MUC4: variants seen among roughly 807,000 people sequenced by gnomAD.
MUC4 encodes mucin-4.
A neutral mutation model predicts 257.9 loss-of-function variants in MUC4; 202 were observed. That is an observed-to-expected ratio of 0.78 (90% CI 0.70 to 0.88). The LOEUF (loss-of-function observed/expected upper bound fraction) is 0.88, where lower values mean the gene tolerates loss of function less well. MUC4 is among the 40% of genes least tolerant of loss of function. The pLI is 0.00. For missense variants in MUC4, 5,976 were observed against 6,513.7 expected (o/e 0.92, Z 2.84); for synonymous variants, 2,351 against 2,757.1 (o/e 0.85, Z 4.62).
chr3:195,749,027 A>G lies in MUC4; in HGVS notation c.15909T>C (p.Asp5303=). ...AGACCAGGTCGTAGCCCTTGTAGCCATCGCATCTGAAGTAAGCCTTCAGCG... is the reference window on the plus strand; with the variant it reads ...AGACCAGGTCGTAGCCCTTGTAGCCGTCGCATCTGAAGTAAGCCTTCAGCG... ...VSTLKAYFRC[D]GYKGYDLVYS... is the part of the protein sequence containing the mutation. The change falls in exon 24 of 25, where the codon GAT becomes GAC. Residue 5303 remains aspartate, a synonymous_variant. Transcript: ENST00000463781. 1 of 1,609,074 alleles carries G rather than the reference A, an allele frequency of 6.2e-7. No individual in the cohort carries two copies. The highest frequency in any genetic ancestry group is 8.5e-7 in the Non-Finnish European group (1 of 1,177,650).
At chr3:195,799,260 T>TGTGTGTGTGTGAGA (rs1553889795) in intron 1 of MUC4, among the ~76,000 whole-genome samples, 15,633 of 149,072 alleles carry the variant, frequency 0.1, 909 homozygotes, top group South Asian at 0.17. Flanking sequence ...TGTGTGTGTG[T>TGTGTGTGTGTGAGA]GACACTGTGT....
At chr3:195,750,735 G>C in intron 23 of MUC4, 154 bp downstream of exon 23, 2 of 734,740 alleles carry the variant, frequency 2.7e-6, no homozygotes, top group Non-Finnish European at 2.2e-6. Flanking sequence ...TCCTGCTCTC[G>C]AATCTAAAAA....
In MUC4 at chr3:195,789,438, C is replaced by T. The variant is rs779516240; in HGVS notation, c.2142G>A (p.Gln714=). The part of the protein sequence containing the change: ...HTTQAPTTAL[Q]AAPSSHDATL... Reference sequence around the variant, plus strand: ...TGGCATCATGGCTGCTGGGTGCTGCCTGCAGTGCTGTGGTCGGGGCCTGGG... The same window carrying T: ...TGGCATCATGGCTGCTGGGTGCTGCTTGCAGTGCTGTGGTCGGGGCCTGGG... Residue 714 remains glutamine, a synonymous_variant, in exon 2 of 25, where the codon CAG becomes CAA. Coordinates refer to ENST00000463781, the MANE Select transcript of MUC4 (RefSeq NM_018406.7). 3.1e-6 allele frequency: 5 copies of T among 1,613,928 alleles called. No individual in the cohort carries two copies. In the African/African-American group the frequency reaches 6.7e-5, roughly 22 times the overall value.
Position 195,746,909 on chromosome 3 carries a change from C to A in MUC4, c.*267G>T, listed in dbSNP as rs570673823. ...TCGTGTGTGTGTGTGTGTGTGTGCA[C>A]GCGCGCGTGCACAGGCTAGTGTCCT... On this transcript the variant is annotated 3_prime_UTR_variant, in exon 25 of 25. Transcript: ENST00000463781. 4 of 568,722 alleles carry A rather than the reference C, an allele frequency of 7.0e-6. No individual in the cohort carries two copies. The highest frequency in any genetic ancestry group is 1.2e-5 in the Non-Finnish European group (4 of 320,884). The allele number at this position is 568,722 out of a possible 1,614,324, so 35.2% of individuals were successfully genotyped here.
chr3:195,809,014 A>G (rs979230893), intron 1 of MUC4, among the ~76,000 whole-genome samples: 1 of 152,046 alleles, frequency 6.6e-6, no homozygotes, highest in Non-Finnish European at 1.5e-5. Flanking sequence ...GGTCACTGAT[A>G]GTGCTGGAGA....
rs868092839 is a variant in MUC4 at position 195,754,304 on chromosome 3, C to T, written c.15237G>A (p.Glu5079=). 7 of 1,613,726 alleles carry T rather than the reference C, an allele frequency of 4.3e-6. No individual in the cohort carries two copies. The highest frequency in any genetic ancestry group is 4.2e-6 in the Non-Finnish European group (5 of 1,179,972). The change falls in exon 19 of 25, where the codon GAG becomes GAA. Residue 5079 remains glutamate (E), a synonymous_variant. Coordinates refer to ENST00000463781, the MANE Select transcript of MUC4 (RefSeq NM_018406.7). ...RYCEGSEDAC[E]EPCFPSVHCV... is the part of the protein sequence containing the mutation. Reference sequence around the variant, plus strand: ...AGTGGACACTCGGGAAGCACGGCTCCTCACAGGCATCCTCGGAGCCCTCGC... The same window carrying T: ...AGTGGACACTCGGGAAGCACGGCTCTTCACAGGCATCCTCGGAGCCCTCGC...
At position 195,759,123 on chromosome 3, in the gene MUC4, C is replaced by G. The variant is rs772813110; in HGVS notation, c.14986+1G>C. On this transcript the variant is annotated splice_donor_variant, in intron 17 of 24. Coordinates refer to ENST00000463781, the MANE Select transcript of MUC4 (RefSeq NM_018406.7). LOFTEE classifies it high-confidence loss of function. ...CTCCCCAGCCAGCCAAATAGTCCTA[C>G]CAAAGAGCTCCAAGTCGGTGCAGCT... is the stretch of plus-strand genomic sequence containing the variant. 37 of 1,613,110 alleles carry G rather than the reference C, an allele frequency of 2.3e-5. No homozygotes were observed. Among genetic ancestry groups the G allele is most frequent in the Non-Finnish European group, 3.1e-5 (37 of 1,179,434 alleles).
chr3:195,784,031 C>A lies in MUC4; in HGVS notation c.7549G>T (p.Asp2517Tyr). 1 of 1,517,118 alleles carries A rather than the reference C, an allele frequency of 6.6e-7. No individual in the cohort carries two copies. Among genetic ancestry groups the A allele is most frequent in the Non-Finnish European group, 8.8e-7 (1 of 1,130,820 alleles). The allele number at this position is 1,517,118 out of a possible 1,614,324, so 94.0% of individuals were successfully genotyped here. A position where few individuals can be genotyped will look rare whatever the true frequency, so the allele number is the denominator to read the frequency against. The change falls in exon 2 of 25, where the codon GAC (aspartate) becomes TAC (tyrosine). Residue 2517 changes from aspartate to tyrosine, a missense_variant. Asp to Tyr is a radical substitution (Grantham distance 160). Coordinates refer to ENST00000463781, the MANE Select transcript of MUC4 (RefSeq NM_018406.7). ...TGHTTPLPVT[D>Y]TPSASTGDTT... is the part of the protein sequence containing the mutation. ...TCACCTGTGGATGCTGAGGGAGTGTCGGTGACAGGTAGAGGGGTGGTGTGA... is the reference window on the plus strand; with the variant it reads ...TCACCTGTGGATGCTGAGGGAGTGTAGGTGACAGGTAGAGGGGTGGTGTGA...
chr3:195,754,614 G>A (rs1229923626), intron 18 of MUC4, among the ~76,000 whole-genome samples: 1 of 152,226 alleles, frequency 6.6e-6, no homozygotes, highest in Non-Finnish European at 1.5e-5. Context: ...CCCCTGCCTG[G>A]CCCTGCACCA....
At chr3:195,764,972 G>A in intron 10 of MUC4, 25 bp downstream of exon 10, 2 of 1,610,676 alleles carry the variant, frequency 1.2e-6, no homozygotes, top group Non-Finnish European at 1.7e-6. Context: ...CGGGAAGGTG[G>A]GGTTGAGATC....
intron 7 of MUC4, among the ~76,000 whole-genome samples, chr3:195,767,773 C>T (rs1721561312): frequency 7.6e-6 from 1 of 132,252 alleles, no homozygotes; most frequent in African/African-American, 3.1e-5. Flanking sequence ...CCACCACCAC[C>T]ACCATCACCA....
At chr3:195,791,774 G>A (rs1415643888) in intron 1 of MUC4, among the ~76,000 whole-genome samples, 1 of 152,132 alleles carries the variant, frequency 6.6e-6, no homozygotes, top group Admixed American at 6.6e-5. Context: ...GCATGGTACT[G>A]GTACCAAAAC....
intron 11 of MUC4, 122 bp downstream of exon 11, chr3:195,763,923 C>G (rs1025677350): frequency 4.3e-6 from 6 of 1,395,556 alleles, no homozygotes; most frequent in Non-Finnish European, 5.7e-6. Context: ...TCACTGGCGT[C>G]ATCTCCATCT....
In MUC4 at chr3:195,778,914, G is replaced by A. The variant is rs1449113826; in HGVS notation, c.12666C>T (p.Ala4222=). 6.4e-7 allele frequency: 1 copy of A among 1,560,590 alleles called. No homozygotes were observed. Among genetic ancestry groups the A allele is most frequent in the African/African-American group, 1.4e-5 (1 of 71,866 alleles). Reference sequence around the variant, plus strand: ...AAAGGCTGGTGACAGGAAGAGGGGTGGCGTGACCTGTGGATGCTGAGGAAG... The same window carrying A: ...AAAGGCTGGTGACAGGAAGAGGGGTAGCGTGACCTGTGGATGCTGAGGAAG... ...TDTSSASTGH[A]TPLPVTSLSS... is the part of the protein sequence containing the mutation. Residue 4222 remains alanine, a synonymous_variant, in exon 2 of 25, where the codon GCC becomes GCT. Transcript: ENST00000463781.
intron 7 of MUC4, among the ~76,000 whole-genome samples, chr3:195,767,495 C>CCACCAT (rs1720901358): frequency 6.9e-6 from 1 of 145,140 alleles, no homozygotes; most frequent in Non-Finnish European, 1.5e-5. Context: ...ACCACCATCA[C>CCACCAT]CATCACCACC....
Position 195,789,285 on chromosome 3 carries a change from G to A in MUC4, c.2295C>T (p.Asp765=), listed in dbSNP as rs1321870607. 7 of 1,613,928 alleles carry A rather than the reference G, an allele frequency of 4.3e-6. No individual in the cohort carries two copies. The South Asian group carries it at 6.6e-5, about 15-fold the overall frequency. The change falls in exon 2 of 25, where the codon GAC becomes GAT. Residue 765 remains aspartate, a synonymous_variant. Transcript: ENST00000463781. The part of the protein sequence containing the change: ...WTSASASTSP[D]TAAAMTHTHQ... Reference sequence around the variant, plus strand: ...GGGTATGGGTCATGGCTGCTGCTGTGTCAGGTGAGGTGCTGGCAGAGGCTG... The same window carrying A: ...GGGTATGGGTCATGGCTGCTGCTGTATCAGGTGAGGTGCTGGCAGAGGCTG...
intron 7 of MUC4, 51 bp downstream of exon 7, chr3:195,768,971 C>T (rs1317161114): frequency 6.3e-7 from 1 of 1,585,902 alleles, no homozygotes; most frequent in East Asian, 2.3e-5. Flanking sequence ...AAAGCCGACT[C>T]TACACCCCTC....
Position 195,784,286 on chromosome 3 carries a change from G to C in MUC4, c.7294C>G (p.Arg2432Gly). 7.1e-7 allele frequency: 1 copy of C among 1,413,162 alleles called. No homozygotes were observed. Among genetic ancestry groups the C allele is most frequent in the African/African-American group, 1.6e-5 (1 of 62,854 alleles). 87.5% of individuals were successfully genotyped at this position (1,413,162 alleles called of 1,614,324 possible). A position where few individuals can be genotyped will look rare whatever the true frequency, so the allele number is the denominator to read the frequency against. Reference protein sequence around the residue: ...LSSASTGDTTRLPVTNVSSAS... With the variant: ...LSSASTGDTTGLPVTNVSSAS... ...GAGGAAACGTTGGTGACAGGAAGAC[G>C]GGTGGTGTCACCTGTGGAAGCTGAG... Residue 2432 changes from arginine (R) to glycine (G), a missense_variant, in exon 2 of 25, where the codon CGT becomes GGT. Around this residue, in one of 44 missense-constraint regions of MUC4, gnomAD observed 57 missense variants for 116.5 expected, o/e 0.49. Coordinates refer to ENST00000463781, the MANE Select transcript of MUC4 (RefSeq NM_018406.7).
At position 195,783,055 on chromosome 3, in the gene MUC4, G is replaced by C; in HGVS notation, c.8525C>G (p.Ser2842Cys). 1.2e-6 allele frequency: 1 copy of C among 815,608 alleles called. No individual in the cohort carries two copies. The highest frequency in any genetic ancestry group is 1.9e-5 in the South Asian group (1 of 53,126). The allele number at this position is 815,608 out of a possible 1,614,324, so 50.5% of individuals were successfully genotyped here. ...AGGAAGAGGGGTGGTGTGACCTGAG[G>C]ATGCTGAGGAAGGGATGGTGACAGG... ...SLPVTIPSSASSGHTTPLPVT... is the reference protein window; with the variant it reads ...SLPVTIPSSACSGHTTPLPVT... The change falls in exon 2 of 25, where the codon TCC (serine) becomes TGC (cysteine). Residue 2842 changes from serine to cysteine, a missense_variant. Coordinates refer to ENST00000463781, the MANE Select transcript of MUC4 (RefSeq NM_018406.7).
Sources: gnomAD v4.1 joint callset for allele counts (sites outside exome capture counted in the v4.1 genomes callset) on GRCh38, gnomAD v4.1.1 for gene constraint, gnomAD v4.1.1 regional missense constraint, MANE v1.5 for transcripts, NCBI Gene and HGNC (gene_info 2026-07-23, HGNC 2026-07-21) for gene names.